BARHL1: variants seen among roughly 807,000 people sequenced by gnomAD.
BARHL1 encodes barH-like 1 homeobox protein.
BARHL1 carries 2 observed loss-of-function variants against 20.1 expected under a neutral mutation model. That is an observed-to-expected ratio of 0.10 (90% CI 0.04 to 0.31). The LOEUF (loss-of-function observed/expected upper bound fraction) is 0.31, where lower values mean the gene tolerates loss of function less well. Ranked by LOEUF, BARHL1 falls within the 10% of genes least tolerant of loss-of-function variation. The pLI, the probability that BARHL1 is intolerant of heterozygous loss-of-function variation, is 1.00. For missense variants in BARHL1, 397 were observed against 454.0 expected (o/e 0.87, Z 1.14); for synonymous variants, 213 against 209.9 (o/e 1.01, Z -0.13).
intron 1 of BARHL1, among the ~76,000 whole-genome samples, chr9:132,586,534 G>A (rs1486332782): frequency 1.3e-5 from 2 of 152,262 alleles, no homozygotes; most frequent in East Asian, 1.9e-4. Flanking sequence ...TCCCGACTGT[G>A]GGGTGTAAAC....
chr9:132,587,586 G>C lies in BARHL1; in HGVS notation c.689+35G>C. The C allele has an allele frequency of 6.4e-7, 1 of 1,565,066 alleles. No homozygotes were observed. ...GGCTGCGGGGGTAGAGGCAGAAAGGGAACTTCCCCTTTCCTCACAGCTCCT... is the reference window on the plus strand; with the variant it reads ...GGCTGCGGGGGTAGAGGCAGAAAGGCAACTTCCCCTTTCCTCACAGCTCCT... On this transcript the variant is annotated intron_variant, in intron 2 of 2. Coordinates refer to ENST00000263610, the MANE Select transcript of BARHL1 (RefSeq NM_020064.4). The surrounding 1 kb of genome is among the most constrained non-coding windows in gnomAD (Gnocchi z 5.5).
Position 132,589,587 on chromosome 9 carries a change from G to A in BARHL1, c.*65G>A, listed in dbSNP as rs886309801. On this transcript the variant is annotated 3_prime_UTR_variant, in exon 3 of 3. Transcript: ENST00000263610. The stretch of plus-strand genomic sequence containing the variant: ...CGTGGCCCCTTCCGCCCGCCTTTCT[G>A]AGGGCGCAGGTTCGACGCCCTTTCC... 8.1e-7 allele frequency: 1 copy of A among 1,239,898 alleles called. No homozygotes were observed. The highest frequency in any genetic ancestry group is 4.3e-5 in the Admixed American group (1 of 23,048). The allele number at this position is 1,239,898 out of a possible 1,614,324, so 76.8% of individuals were successfully genotyped here.
rs1026737830 is a variant in BARHL1, at chr9:132,587,617, G to A, written c.689+66G>A. 1.4e-6 allele frequency: 2 copies of A among 1,432,692 alleles called. No individual in the cohort carries two copies. Among genetic ancestry groups the A allele is most frequent in the South Asian group, 1.3e-5 (1 of 78,662 alleles). 88.7% of individuals were successfully genotyped at this position (1,432,692 alleles called of 1,614,324 possible). Reference sequence around the variant, plus strand: ...CCCCTTTCCTCACAGCTCCTGGAGGGGACCAGGAGTCTACAGGTTGGTGCT... The same window carrying A: ...CCCCTTTCCTCACAGCTCCTGGAGGAGACCAGGAGTCTACAGGTTGGTGCT... On this transcript the variant is annotated intron_variant, in intron 2 of 2. Coordinates refer to ENST00000263610, the MANE Select transcript of BARHL1 (RefSeq NM_020064.4). The surrounding 1 kb of genome is among the most constrained non-coding windows in gnomAD (Gnocchi z 5.5).
At chr9:132,588,684 T>C (rs1830173760) in intron 2 of BARHL1, among the ~76,000 whole-genome samples, 1 of 152,082 alleles carries the variant, frequency 6.6e-6, no homozygotes, top group Non-Finnish European at 1.5e-5. Flanking sequence ...CGGCAGGGCG[T>C]GCGAGCCGGG....
rs1830179906 is a variant in BARHL1, at chr9:132,589,220, G to C, written c.690-8G>C. The C allele has an allele frequency of 6.2e-7, 1 of 1,604,186 alleles. No homozygotes were observed. Among genetic ancestry groups the C allele is most frequent in the Admixed American group, 1.7e-5 (1 of 58,900 alleles). On this transcript the variant is annotated splice_region_variant and splice_polypyrimidine_tract_variant and intron_variant, in intron 2 of 2. Transcript: ENST00000263610. ...GATCCCGCCATACGCGTTTATTTCGGCCCCCAGGACTAAATGGAAGCGACA... is the reference window on the plus strand; with the variant it reads ...GATCCCGCCATACGCGTTTATTTCGCCCCCCAGGACTAAATGGAAGCGACA...
Position 132,583,106 on chromosome 9 carries a change from C to G in BARHL1, c.309C>G (p.Ala103=), listed in dbSNP as rs749329114. ...CCTTTCTGATCAGGGACATCCTTGCCGACTGCAAACCACTCGCGGCCTGTG... is the reference window on the plus strand; with the variant it reads ...CCTTTCTGATCAGGGACATCCTTGCGGACTGCAAACCACTCGCGGCCTGTG... ...TSSFLIRDIL[A]DCKPLAACAP... Residue 103 remains alanine (A), a synonymous_variant, in exon 1 of 3, where the codon GCC becomes GCG. Transcript: ENST00000263610. 6.2e-6 allele frequency: 10 copies of G among 1,613,764 alleles called. No individual in the cohort carries two copies. Among genetic ancestry groups the G allele is most frequent in the South Asian group, 4.4e-5 (4 of 91,092 alleles).
chr9:132,584,163 A>G (rs558606312), intron 1 of BARHL1, among the ~76,000 whole-genome samples: 149 of 144,828 alleles, frequency 1.0e-3, no homozygotes, highest in African/African-American at 3.8e-3. Context: ...GGAAGGAAGG[A>G]AGGAAGGGAA....
At chr9:132,586,439 C>A (rs1217934556) in intron 1 of BARHL1, among the ~76,000 whole-genome samples, 1 of 152,260 alleles carries the variant, frequency 6.6e-6, no homozygotes, top group African/African-American at 2.4e-5. Flanking sequence ...GCAGTCAAAG[C>A]CGAACGAAAG....
In BARHL1 at chr9:132,587,028, C is replaced by G. The variant is rs1589938359; in HGVS notation, c.467-301C>G. ...CGGCTCCGTTTATCCCTCCAGGGAGCGCGGGCAGAGCGCCGAGCGCGGCGC... is the reference window on the plus strand; with the variant it reads ...CGGCTCCGTTTATCCCTCCAGGGAGGGCGGGCAGAGCGCCGAGCGCGGCGC... On this transcript the variant is annotated intron_variant, in intron 1 of 2. Transcript: ENST00000263610. This position sits in a 1 kb window ranked among gnomAD's most constrained non-coding sequence, Gnocchi z 5.5. Among the ~76,000 whole-genome samples the G allele has an allele frequency of 6.6e-6, 1 of 152,222 alleles. No individual in the cohort carries two copies. Among genetic ancestry groups the G allele is most frequent in the African/African-American group, 2.4e-5 (1 of 41,474 alleles).
Position 132,583,229 on chromosome 9 carries a change from T to C in BARHL1, c.432T>C (p.Ser144=), listed in dbSNP as rs1589936953. ...AEDFRDKLDK[S]GSNASSDSEY... ...ACTTTAGAGACAAGCTGGACAAAAG[T>C]GGCAGCAACGCCTCATCGGACTCTG... The change falls in exon 1 of 3, where the codon AGT becomes AGC. Residue 144 remains serine (S), a synonymous_variant. Transcript: ENST00000263610. The C allele has an allele frequency of 6.2e-7, 1 of 1,612,480 alleles. No individual in the cohort carries two copies. Among genetic ancestry groups the C allele is most frequent in the Non-Finnish European group, 8.5e-7 (1 of 1,179,294 alleles).
Position 132,589,878 on chromosome 9 carries a change from C to G in BARHL1, c.*356C>G, listed in dbSNP as rs909468544. 5.6e-5 allele frequency: 11 copies of G among 195,534 alleles called. No individual in the cohort carries two copies. The highest frequency in any genetic ancestry group is 6.2e-5 in the Non-Finnish European group (6 of 96,770). 12.1% of individuals were successfully genotyped at this position (195,534 alleles called of 1,614,324 possible). On this transcript the variant is annotated 3_prime_UTR_variant, in exon 3 of 3. Transcript: ENST00000263610. ...GCGGGTGCGGCTGATTCCCAGGCTT[C>G]GCTCTCTCCCACGCCCCTTCTACGC... is the stretch of plus-strand genomic sequence containing the variant.
At chr9:132,588,804 C>A (rs1032312575) in intron 2 of BARHL1, among the ~76,000 whole-genome samples, 2 of 149,834 alleles carry the variant, frequency 1.3e-5, no homozygotes, top group African/African-American at 4.9e-5. Context: ...AGCACCCCCC[C>A]ATCCCCTCAG....
At chr9:132,583,375 G>GT in intron 1 of BARHL1, 112 bp downstream of exon 1, 5 of 958,178 alleles carry the variant, frequency 5.2e-6, no homozygotes, top group Non-Finnish European at 7.6e-6. Context: ...GCTCCCCCAG[G>GT]GCTCAGGTTG....
chr9:132,588,807 C>T (rs1174117567), intron 2 of BARHL1, among the ~76,000 whole-genome samples: 2 of 152,156 alleles, frequency 1.3e-5, no homozygotes, highest in East Asian at 3.9e-4. Flanking sequence ...ACCCCCCCAT[C>T]CCCTCAGGCC....
At chr9:132,585,366 C>T (rs1830130597) in intron 1 of BARHL1, among the ~76,000 whole-genome samples, 1 of 152,222 alleles carries the variant, frequency 6.6e-6, no homozygotes. Flanking sequence ...CTGGTCTACT[C>T]TCCAGCCGCC....
At position 132,582,787 on chromosome 9, in the gene BARHL1, G is replaced by C. The variant is rs773738217; in HGVS notation, c.-11G>C. 6.4e-7 allele frequency: 1 copy of C among 1,567,036 alleles called. No homozygotes were observed. Among genetic ancestry groups the C allele is most frequent in the South Asian group, 1.2e-5 (1 of 85,112 alleles). Reference sequence around the variant, plus strand: ...GGGGAGCTTTTGGGGAGGACAGGTCGCAGCTTGGCTATGGAAGGCTCCAAT... The same window carrying C: ...GGGGAGCTTTTGGGGAGGACAGGTCCCAGCTTGGCTATGGAAGGCTCCAAT... On this transcript the variant is annotated 5_prime_UTR_variant, in exon 1 of 3. Coordinates refer to ENST00000263610, the MANE Select transcript of BARHL1 (RefSeq NM_020064.4).
intron 1 of BARHL1, among the ~76,000 whole-genome samples, chr9:132,584,467 GC>G (rs1589937390): frequency 6.7e-6 from 1 of 148,220 alleles, no homozygotes; most frequent in Non-Finnish European, 1.5e-5. Context: ...TTATTGTCTT[GC>G]CCCCTCCCCC....
chr9:132,589,807 C>T lies in BARHL1; in HGVS notation c.*285C>T, dbSNP rs1305711531. 3.2e-6 allele frequency: 1 copy of T among 313,550 alleles called. No homozygotes were observed. The highest frequency in any genetic ancestry group is 5.7e-6 in the Non-Finnish European group (1 of 175,042). 19.4% of individuals were successfully genotyped at this position (313,550 alleles called of 1,614,324 possible). A position where few individuals can be genotyped will look rare whatever the true frequency, so the allele number is the denominator to read the frequency against. The stretch of plus-strand genomic sequence containing the variant: ...CATACGCGTCTCTGCCACTCCCCAC[C>T]CCCAGCCTCTGCCGGCTCCCCTAGG... On this transcript the variant is annotated 3_prime_UTR_variant, in exon 3 of 3. Transcript: ENST00000263610.
At chr9:132,586,340 T>A (rs990430147) in intron 1 of BARHL1, among the ~76,000 whole-genome samples, 1 of 152,156 alleles carries the variant, frequency 6.6e-6, no homozygotes, top group African/African-American at 2.4e-5. Context: ...GAGCCGCCAA[T>A]TTTGGGGAAG....
Sources: gnomAD v4.1 joint callset for allele counts (sites outside exome capture counted in the v4.1 genomes callset) on GRCh38, gnomAD v4.1.1 for gene constraint, Gnocchi (gnomAD v3.1) non-coding constraint, MANE v1.5 for transcripts, NCBI Gene and HGNC (gene_info 2026-07-23, HGNC 2026-07-21) for gene names.